EPC1: variants seen among roughly 807,000 people sequenced by gnomAD.
EPC1 encodes enhancer of polycomb 1.
Under a neutral mutation model 98.4 loss-of-function variants are expected in EPC1, and 12 were observed. That is an observed-to-expected ratio of 0.12 (90% confidence interval 0.08 to 0.20). The LOEUF (loss-of-function observed/expected upper bound fraction) is 0.20. EPC1 is among the 10% of genes least tolerant of loss of function. The pLI, the probability that EPC1 is intolerant of heterozygous loss-of-function variation, is 1.00. For synonymous variants in EPC1, 357 were observed against 363.9 expected, an observed-to-expected ratio of 0.98 and a Z score of 0.21; for missense variants, 729 against 990.5, an observed-to-expected ratio of 0.74 and a Z score of 3.54.
intron 1 of EPC1, among the ~76,000 whole-genome samples, chr10:32,311,205 A>C (rs1036586003): frequency 6.6e-6 from 1 of 151,832 alleles, no homozygotes; most frequent in South Asian, 2.1e-4. Flanking sequence ...CCCAGCTACT[A>C]GGGAGGCTGA....
At chr10:32,291,059 G>A (rs1471692227) in intron 6 of EPC1, 104 bp downstream of exon 6, 1 of 1,071,416 alleles carries the variant, frequency 9.3e-7, no homozygotes, top group Non-Finnish European at 1.4e-6. Flanking sequence ...TTACAGGCGT[G>A]AGCCACTGTG....
At chr10:32,290,514 A>AAAGAAAGAAAGC (rs1836950295) in intron 6 of EPC1, among the ~76,000 whole-genome samples, 1 of 144,652 alleles carries the variant, frequency 6.9e-6, no homozygotes. Flanking sequence ...AAAAAGAAAG[A>AAAGAAAGAAAGC]AAGAAAAACT....
intron 1 of EPC1, among the ~76,000 whole-genome samples, chr10:32,344,386 C>G (rs1838605570): frequency 6.6e-6 from 1 of 151,666 alleles, no homozygotes; most frequent in Admixed American, 6.6e-5. Flanking sequence ...GTGAAAAATT[C>G]TAAACAGATA....
At chr10:32,308,613 T>C (rs1216079257) in intron 1 of EPC1, among the ~76,000 whole-genome samples, 1 of 152,190 alleles carries the variant, frequency 6.6e-6, no homozygotes, top group Non-Finnish European at 1.5e-5. Flanking sequence ...CCTAATGTCA[T>C]GGATGAAATA....
intron 1 of EPC1, among the ~76,000 whole-genome samples, chr10:32,343,211 A>G (rs902536919): frequency 1.3e-5 from 2 of 152,040 alleles, no homozygotes; most frequent in African/African-American, 4.8e-5. Context: ...TTTATTTTTA[A>G]TTAAATTATT....
intron 1 of EPC1, among the ~76,000 whole-genome samples, chr10:32,320,478 T>C (rs74128054): frequency 0.02 from 3,047 of 152,344 alleles, 108 homozygotes; most frequent in African/African-American, 0.07. Context: ...GAGGCAGGGA[T>C]AAGCTATGCT....
At chr10:32,313,779 T>C (rs1489663324) in intron 1 of EPC1, among the ~76,000 whole-genome samples, 1 of 151,932 alleles carries the variant, frequency 6.6e-6, no homozygotes. Flanking sequence ...TCAGCTACTC[T>C]GAAGGCTAAG....
At position 32,271,874 on chromosome 10, in the gene EPC1, T is replaced by A. The variant is rs1287320431; in HGVS notation, c.2049A>T (p.Ala683=). ...CCGTTGATGGACTTGTATGTACAAG[T>A]GCTGTTGGTGTAGTACTACTGAGGT... The part of the protein sequence containing the change: ...GLHLSSTTPT[A]LVHTSPSTAG... Residue 683 remains alanine, a synonymous_variant, in exon 13 of 14, where the codon GCA becomes GCT. Transcript: ENST00000319778. 3 of 1,614,054 alleles carry A rather than the reference T, an allele frequency of 1.9e-6. No individual in the cohort carries two copies. The highest frequency in any genetic ancestry group is 2.5e-6 in the Non-Finnish European group (3 of 1,180,038).
intron 1 of EPC1, among the ~76,000 whole-genome samples, chr10:32,341,325 G>GTC (rs1354832661): frequency 2.1e-5 from 2 of 97,158 alleles, no homozygotes; most frequent in African/African-American, 7.0e-5. Context: ...GTCTGTGTGT[G>GTC]TGTGTCTGTG....
At chr10:32,376,044 T>C (rs1839865282) in intron 1 of EPC1, among the ~76,000 whole-genome samples, 2 of 152,010 alleles carry the variant, frequency 1.3e-5, no homozygotes, top group South Asian at 4.1e-4. Context: ...TAATATAAAA[T>C]AGTGAACTGT....
intron 1 of EPC1, among the ~76,000 whole-genome samples, chr10:32,341,331 C>CTCTGTGTGTG (rs1554824001): frequency 6.6e-6 from 1 of 151,064 alleles, no homozygotes; most frequent in African/African-American, 2.4e-5. Context: ...GTGTGTGTGT[C>CTCTGTGTGTG]TGTGTGTGTG....
At chr10:32,300,868 A>G (rs757266098) in intron 2 of EPC1, among the ~76,000 whole-genome samples, 31 of 152,142 alleles carry the variant, frequency 2.0e-4, no homozygotes, top group Admixed American at 3.3e-4. Context: ...AATATCCAGT[A>G]TAACAAGATG....
At chr10:32,309,166 G>GA (rs1836051540) in intron 1 of EPC1, among the ~76,000 whole-genome samples, 1 of 152,128 alleles carries the variant, frequency 6.6e-6, no homozygotes, top group Admixed American at 6.5e-5. Context: ...TTAATGGGCA[G>GA]AAAAATATAG....
At chr10:32,340,841 C>T (rs906338837) in intron 1 of EPC1, among the ~76,000 whole-genome samples, 1 of 151,984 alleles carries the variant, frequency 6.6e-6, no homozygotes, top group Non-Finnish European at 1.5e-5. Context: ...AAAAAAAACC[C>T]GCAATTCTAG....
intron 2 of EPC1, among the ~76,000 whole-genome samples, chr10:32,301,027 G>A (rs1239724131): frequency 2.1e-5 from 3 of 146,000 alleles, no homozygotes; most frequent in African/African-American, 7.5e-5. Context: ...GAAAGAATTA[G>A]AAGCACATTT....
chr10:32,343,894 G>C (rs920941628), intron 1 of EPC1, among the ~76,000 whole-genome samples: 2 of 152,192 alleles, frequency 1.3e-5, no homozygotes, highest in Non-Finnish European at 1.5e-5. Context: ...TATTTCACAT[G>C]ACAATTCTGC....
chr10:32,338,226 T>A (rs2133012523), intron 1 of EPC1, among the ~76,000 whole-genome samples: 1 of 152,306 alleles, frequency 6.6e-6, no homozygotes, highest in South Asian at 2.1e-4. Flanking sequence ...CTGCTCAACT[T>A]GGAGGTTCAT....
intron 1 of EPC1, among the ~76,000 whole-genome samples, chr10:32,364,878 T>C (rs570042321): frequency 6.6e-6 from 1 of 151,140 alleles, no homozygotes; most frequent in Non-Finnish European, 1.5e-5. Flanking sequence ...TCATAAGCTT[T>C]CTTAAAATAT....
At chr10:32,305,993 A>G in intron 1 of EPC1, 62 bp from the exon 2 acceptor site, 2 of 1,425,788 alleles carry the variant, frequency 1.4e-6, no homozygotes, top group Non-Finnish European at 1.9e-6. Flanking sequence ...CAGATCATAT[A>G]GCCAAAAAGG....
Sources: gnomAD v4.1 joint callset for allele counts (sites outside exome capture counted in the v4.1 genomes callset) on GRCh38, gnomAD v4.1.1 for gene constraint, MANE v1.5 for transcripts, NCBI Gene and HGNC (gene_info 2026-07-23, HGNC 2026-07-21) for gene names.